REG4: variants seen among roughly 807,000 people sequenced by gnomAD.
REG4 encodes regenerating family member 4, also known as regenerating islet-derived protein 4.
REG4 carries 16 observed loss-of-function variants against 22.3 expected under a neutral mutation model. The observed-to-expected ratio is 0.72, with a 90% CI of 0.49 to 1.09. The LOEUF (loss-of-function observed/expected upper bound fraction) is 1.09, where lower values mean the gene tolerates loss of function less well. Among genes scored for constraint, REG4 ranks in the 50% least tolerant of loss-of-function variants. The pLI, the probability that REG4 is intolerant of heterozygous loss-of-function variation, is 0.00. For missense variants in REG4, 214 were observed against 193.9 expected, an observed-to-expected ratio of 1.10 and a Z score of -0.61; for synonymous variants, 71 against 69.2, an observed-to-expected ratio of 1.03 and a Z score of -0.13.
chr1:119,809,754 C>T (rs1654438004), intron 1 of REG4, among the ~76,000 whole-genome samples: 1 of 152,054 alleles, frequency 6.6e-6, no homozygotes, highest in South Asian at 2.1e-4. Context: ...TTTTAATACC[C>T]TTTGTTAAAA....
chr1:119,811,428 C>T lies in REG4; in HGVS notation c.-114G>A, dbSNP rs587662772. ...GATTACCTGTTTGGCAACCAAGACT[C>T]TAAGGGCCCCTGCCTTCTTCAGTGT... On this transcript the variant is annotated 5_prime_UTR_variant, in exon 1 of 6. Transcript: ENST00000256585. 1 of 143,476 alleles carries T rather than the reference C, an allele frequency of 7.0e-6. No individual in the cohort carries two copies. Among genetic ancestry groups the T allele is most frequent in the South Asian group, 2.4e-4 (1 of 4,202 alleles). The allele number at this position is 143,476 out of a possible 1,614,324, so 8.9% of individuals were successfully genotyped here.
chr1:119,811,059 A>AAAAAC (rs1357656255), intron 1 of REG4, among the ~76,000 whole-genome samples: 4 of 152,086 alleles, frequency 2.6e-5, no homozygotes, highest in African/African-American at 9.7e-5. Context: ...ATAAAAAAAC[A>AAAAAC]AAAACAAAAA....
intron 4 of REG4, among the ~76,000 whole-genome samples, chr1:119,798,949 A>C (rs1245169263): frequency 2.0e-5 from 3 of 152,368 alleles, no homozygotes; most frequent in Non-Finnish European, 4.4e-5. Flanking sequence ...AACTATGGTA[A>C]AGGATTATCT....
chr1:119,798,458 G>A (rs371243611), intron 5 of REG4, 39 bp downstream of exon 5: 26 of 1,496,234 alleles, frequency 1.7e-5, no homozygotes, highest in Admixed American at 3.3e-5. Flanking sequence ...AAGAGTCTGC[G>A]CATTGGGAAG....
chr1:119,804,109 G>A (rs587711564), intron 2 of REG4, among the ~76,000 whole-genome samples: 1 of 152,358 alleles, frequency 6.6e-6, no homozygotes, highest in African/African-American at 2.4e-5. Context: ...GGGATGTCAA[G>A]CTAGCAAGTG....
chr1:119,794,721 G>A (rs2101064316), intron 5 of REG4, 36 bp from the exon 6 acceptor site: 1 of 1,576,022 alleles, frequency 6.3e-7, no homozygotes, highest in Non-Finnish European at 8.7e-7. Context: ...AATCCATTCA[G>A]TACTATACTG....
intron 2 of REG4, among the ~76,000 whole-genome samples, chr1:119,805,115 T>C (rs1328410676): frequency 6.6e-6 from 1 of 152,104 alleles, no homozygotes; most frequent in African/African-American, 2.4e-5. Flanking sequence ...AAACGAGAAA[T>C]TCAAAACTTA....
intron 3 of REG4, chr1:119,802,205 T>G (rs192332975): frequency 2.6e-6 from 1 of 391,116 alleles, no homozygotes; most frequent in East Asian, 1.6e-4. Context: ...GGGGTTGCTG[T>G]GTCAGTTACT....
At chr1:119,803,853 G>A (rs1424129723) in intron 2 of REG4, among the ~76,000 whole-genome samples, 1 of 152,156 alleles carries the variant, frequency 6.6e-6, no homozygotes, top group Non-Finnish European at 1.5e-5. Flanking sequence ...TTTAGGCAAA[G>A]GAGGCAGGAA....
At chr1:119,803,580 C>T (rs916597461) in intron 2 of REG4, among the ~76,000 whole-genome samples, 2 of 152,176 alleles carry the variant, frequency 1.3e-5, no homozygotes, top group African/African-American at 4.8e-5. Flanking sequence ...TTGGAATATA[C>T]ATACATACAT....
At chr1:119,800,814 T>G (rs1654077170) in intron 3 of REG4, among the ~76,000 whole-genome samples, 1 of 152,174 alleles carries the variant, frequency 6.6e-6, no homozygotes, top group Admixed American at 6.5e-5. Flanking sequence ...CCCACCCCTT[T>G]GTCTTTCCTC....
chr1:119,794,630 C>T lies in REG4; in HGVS notation c.465G>A (p.Lys155=), dbSNP rs144957092. Reference sequence around the variant, plus strand: ...CTTGATTCTTGCTCTATGGTCGGTACTTGCACAGGAAGTGTTGGCGCTTGT... The same window carrying T: ...CTTGATTCTTGCTCTATGGTCGGTATTTGCACAGGAAGTGTTGGCGCTTGT... The part of the protein sequence containing the change: ...ECNKRQHFLC[K]YRP The change falls in exon 6 of 6, where the codon AAG becomes AAA. Residue 155 remains lysine (K), a synonymous_variant. Transcript: ENST00000256585. 103 of 1,613,998 alleles carry T rather than the reference C, an allele frequency of 6.4e-5. No homozygotes were observed. Among genetic ancestry groups the T allele is most frequent in the Non-Finnish European group, 8.3e-5 (98 of 1,179,958 alleles).
chr1:119,799,581 A>C (rs1654036379), intron 4 of REG4, 144 bp downstream of exon 4: 1 of 1,025,508 alleles, frequency 9.8e-7, no homozygotes, highest in Non-Finnish European at 1.4e-6. Flanking sequence ...CCTGACCTTG[A>C]GACTTTGGTC....
At chr1:119,802,913 AAC>A in intron 3 of REG4, 153 bp downstream of exon 3, 1 of 1,557,302 alleles carries the variant, frequency 6.4e-7, no homozygotes, top group Non-Finnish European at 8.7e-7. Flanking sequence ...GAATGAGTTG[AAC>A]ACACAACCCT....
intron 2 of REG4, among the ~76,000 whole-genome samples, chr1:119,806,741 A>T (rs1654332478): frequency 6.6e-6 from 1 of 152,194 alleles, no homozygotes; most frequent in Non-Finnish European, 1.5e-5. Context: ...ATCTCTACAC[A>T]TGCAGTATCA....
intron 5 of REG4, among the ~76,000 whole-genome samples, chr1:119,795,097 A>G (rs972052065): frequency 6.6e-6 from 1 of 152,210 alleles, no homozygotes; most frequent in African/African-American, 2.4e-5. Flanking sequence ...CCACAATTGC[A>G]TGAGCCAATT....
chr1:119,804,382 C>T (rs2101072406), intron 2 of REG4, among the ~76,000 whole-genome samples: 1 of 152,314 alleles, frequency 6.6e-6, no homozygotes, highest in East Asian at 1.9e-4. Context: ...TTGTATGCCC[C>T]TATCCAGCCA....
intron 2 of REG4, among the ~76,000 whole-genome samples, chr1:119,803,488 T>A (rs1654188575): frequency 6.6e-6 from 1 of 152,206 alleles, no homozygotes; most frequent in Non-Finnish European, 1.5e-5. Flanking sequence ...TTTAGCTTGA[T>A]CTGCCTCACA....
chr1:119,798,198 G>T (rs1354171569), intron 5 of REG4, among the ~76,000 whole-genome samples: 2 of 152,152 alleles, frequency 1.3e-5, no homozygotes, highest in Admixed American at 6.5e-5. Flanking sequence ...CCCTCTCATG[G>T]TATAGAATGT....
Sources: allele counts gnomAD v4.1 joint callset (sites outside exome capture counted in the v4.1 genomes callset), GRCh38; gene constraint gnomAD v4.1.1; transcripts MANE v1.5; gene names NCBI Gene and HGNC (gene_info 2026-07-23, HGNC 2026-07-21).